Variants in MAF observed in about 807,000 individuals in gnomAD.
MAF encodes the protein transcription factor Maf.
Under a neutral mutation model 22.0 loss-of-function variants are expected in MAF, and 10 were observed. The observed-to-expected ratio is 0.45, with a 90% confidence interval of 0.28 to 0.77. MAF has a LOEUF of 0.77. Ranked by LOEUF, MAF falls within the 30% of genes least tolerant of loss-of-function variation. The pLI is 0.12. For missense variants in MAF, 544 were observed against 548.4 expected (o/e 0.99, Z 0.08); for synonymous variants, 337 against 255.8 (o/e 1.32, Z -3.03).
At chr16:79,498,320 G>C in the MAF span, among the ~76,000 whole-genome samples, 1 of 152,210 alleles carries the variant, frequency 6.6e-6, no homozygotes, top group Admixed American at 6.5e-5. Flanking sequence ...ATGTGCCAAT[G>C]AGTGGGTATG....
At chr16:79,271,252 C>A in the MAF span, among the ~76,000 whole-genome samples, 1 of 152,062 alleles carries the variant, frequency 6.6e-6, no homozygotes, top group Non-Finnish European at 1.5e-5. Context: ...ATGTTAGGGC[C>A]CTAGCTCACT....
the MAF span, among the ~76,000 whole-genome samples, chr16:79,489,978 G>A: frequency 2.0e-5 from 3 of 152,152 alleles, no homozygotes; most frequent in African/African-American, 4.8e-5. Flanking sequence ...TAGAGCATAA[G>A]GTAGATGGAA....
the MAF span, among the ~76,000 whole-genome samples, chr16:79,530,498 A>G: frequency 6.6e-6 from 1 of 152,230 alleles, no homozygotes; most frequent in Non-Finnish European, 1.5e-5. Context: ...TGTGGAACAC[A>G]CTAAATAAAA....
At chr16:79,249,859 T>G in the MAF span, among the ~76,000 whole-genome samples, 1 of 152,152 alleles carries the variant, frequency 6.6e-6, no homozygotes, top group Non-Finnish European at 1.5e-5. Flanking sequence ...TTTATATTCC[T>G]TGAGTCTGTA....
the MAF span, among the ~76,000 whole-genome samples, chr16:79,223,069 C>G: frequency 6.6e-6 from 1 of 152,174 alleles, no homozygotes; most frequent in Admixed American, 6.5e-5. Context: ...AATATACATT[C>G]TTCTCAGCAC....
At chr16:79,563,168 A>G in the MAF span, among the ~76,000 whole-genome samples, 1 of 152,184 alleles carries the variant, frequency 6.6e-6, no homozygotes, top group South Asian at 2.1e-4. Context: ...TCCAGACACC[A>G]AAGCTAAACC....
chr16:79,441,174 A>G, the MAF span, among the ~76,000 whole-genome samples: 1 of 152,222 alleles, frequency 6.6e-6, no homozygotes, highest in African/African-American at 2.4e-5. Context: ...TACTTACACC[A>G]TTGCACACAA....
the MAF span, among the ~76,000 whole-genome samples, chr16:79,292,943 G>C: frequency 3.9e-5 from 6 of 152,116 alleles, no homozygotes; most frequent in Non-Finnish European, 2.9e-5. Flanking sequence ...GTCTAAAAGG[G>C]TAGGAACCCT....
the MAF span, among the ~76,000 whole-genome samples, chr16:79,268,221 C>T: frequency 2.0e-5 from 3 of 152,130 alleles, no homozygotes; most frequent in Non-Finnish European, 4.4e-5. Flanking sequence ...ACCCCCTCTC[C>T]CCCACAAACA....
chr16:79,554,956 C>T, the MAF span, among the ~76,000 whole-genome samples: 1 of 152,160 alleles, frequency 6.6e-6, no homozygotes, highest in Admixed American at 6.5e-5. Context: ...ATCTGGCTTC[C>T]TCTGAGCCTA....
the MAF span, among the ~76,000 whole-genome samples, chr16:79,441,048 C>A: frequency 6.6e-6 from 1 of 152,236 alleles, no homozygotes; most frequent in Non-Finnish European, 1.5e-5. Flanking sequence ...CGCCTCCATA[C>A]ATGGGTGAAA....
At chr16:79,581,343 AG>A (rs1254800897), downstream of MAF, among the ~76,000 whole-genome samples, 8 of 152,328 alleles carry the variant, frequency 5.3e-5, no homozygotes, top group East Asian at 1.5e-3. Context: ...GTATAGACTC[AG>A]CCCTTTAATT....
chr16:79,216,233 A>G, the MAF span, among the ~76,000 whole-genome samples: 22 of 152,152 alleles, frequency 1.4e-4, no homozygotes, highest in Non-Finnish European at 2.9e-4. Flanking sequence ...GCACATCTAT[A>G]TGTGTATATG....
At chr16:79,479,830 T>G in the MAF span, among the ~76,000 whole-genome samples, 1 of 152,224 alleles carries the variant, frequency 6.6e-6, no homozygotes, top group Non-Finnish European at 1.5e-5. Flanking sequence ...ATGAGAAAAC[T>G]GGTGGTTCAA....
chr16:79,494,707 G>T, the MAF span, among the ~76,000 whole-genome samples: 2,690 of 152,200 alleles, frequency 0.018, 72 homozygotes, highest in African/African-American at 0.057. Flanking sequence ...ATTCTCAGCA[G>T]ACACTGACTG....
the MAF span, among the ~76,000 whole-genome samples, chr16:79,492,148 G>C: frequency 2.6e-5 from 4 of 152,136 alleles, no homozygotes; most frequent in Non-Finnish European, 5.9e-5. Context: ...GAGAGTTGAG[G>C]ACCGGGTGCC....
chr16:79,408,078 C>CAAAAAAAAAAA, the MAF span, among the ~76,000 whole-genome samples: 7 of 81,578 alleles, frequency 8.6e-5, no homozygotes, highest in African/African-American at 3.5e-4. Flanking sequence ...TTTTACCTTT[C>CAAAAAAAAAAA]AAAAAAAAAA....
the MAF span, among the ~76,000 whole-genome samples, chr16:79,280,640 G>T: frequency 6.6e-6 from 1 of 152,142 alleles, no homozygotes; most frequent in Non-Finnish European, 1.5e-5. Flanking sequence ...TCTCTCTGGG[G>T]TGCTGCAGTG....
chr16:79,591,341 T>C (rs1051138650), downstream of MAF, among the ~76,000 whole-genome samples: 7 of 152,110 alleles, frequency 4.6e-5, no homozygotes, highest in African/African-American at 1.7e-4. Context: ...CCACTCTTTT[T>C]CCCAAAGCTC....
Sources: gnomAD v4.1 joint callset for allele counts (sites outside exome capture counted in the v4.1 genomes callset) on GRCh38, gnomAD v4.1.1 for gene constraint, MANE v1.5 for transcripts, NCBI Gene and HGNC (gene_info 2026-07-23, HGNC 2026-07-21) for gene names.